The following ANP32A variants were observed in gnomAD, a reference collection of about 807,000 sequenced individuals.
The protein encoded by ANP32A is acidic leucine-rich nuclear phosphoprotein 32 family member A.
In ANP32A, 1 loss-of-function variant was observed where a neutral mutation model predicts 33.9. The ratio of observed to expected loss-of-function variants is 0.03; its 90% CI spans 0.01 to 0.14. ANP32A has a LOEUF of 0.14. Ranked by LOEUF, ANP32A falls within the 10% of genes least tolerant of loss-of-function variation. The probability of loss-of-function intolerance (pLI) is 1.00; values close to 1 mark genes in which losing one functional copy is unlikely to be tolerated. For missense variants in ANP32A, 155 were observed against 306.0 expected, an observed-to-expected ratio of 0.51 and a Z score of 3.68; for synonymous variants, 115 against 120.5, an observed-to-expected ratio of 0.95 and a Z score of 0.30.
Position 68,785,564 on chromosome 15 carries a change from T to A in ANP32A, c.328-969A>T, listed in dbSNP as rs183547273. Among the ~76,000 whole-genome samples the A allele has an allele frequency of 1.3e-3, 193 of 152,272 alleles. 1 individual carries two copies. The highest frequency in any genetic ancestry group is 4.3e-3 in the African/African-American group (178 of 41,558). On this transcript the variant is annotated intron_variant, in intron 3 of 6. Transcript: ENST00000465139. ...TCTCTATGACCTTGCAGTTGAGACC[T>A]GGGTCATTCTCAGCAGAAGCCAAGG...
Position 68,778,602 on chromosome 15 carries a change from A to T in ANP32A, c.*1479T>A, listed in dbSNP as rs1205857507. On this transcript the variant is annotated 3_prime_UTR_variant, in exon 7 of 7. Transcript: ENST00000465139. ...CCATACATTCTTTTTACAATACGAC[A>T]AACAAAACAATGAAAGATATTCAAA... The T allele has an allele frequency of 2.0e-5, 3 of 152,216 alleles. No homozygotes were observed. The highest frequency in any genetic ancestry group is 7.2e-5 in the African/African-American group (3 of 41,458). 9.4% of individuals were successfully genotyped at this position (152,216 alleles called of 1,614,324 possible).
chr15:68,787,739 T>TCC (rs1893951131), intron 2 of ANP32A, 31 bp downstream of exon 2: 1 of 968,636 alleles, frequency 1.0e-6, no homozygotes, highest in Non-Finnish European at 1.6e-6. Context: ...CACCCCCGCC[T>TCC]CCCAGCACAC....
intron 1 of ANP32A, among the ~76,000 whole-genome samples, chr15:68,797,419 A>G (rs1249695896): frequency 6.6e-6 from 1 of 152,212 alleles, no homozygotes; most frequent in Non-Finnish European, 1.5e-5. Flanking sequence ...AAAGCCACAG[A>G]GAATGAAGAC....
intron 2 of ANP32A, 42 bp downstream of exon 2, chr15:68,787,728 C>T: frequency 6.2e-7 from 1 of 1,604,774 alleles, no homozygotes; most frequent in Non-Finnish European, 8.5e-7. Flanking sequence ...TTCCCACTCC[C>T]CACCCCCGCC....
chr15:68,801,292 T>C (rs757176350), intron 1 of ANP32A, among the ~76,000 whole-genome samples: 3 of 151,362 alleles, frequency 2.0e-5, no homozygotes, highest in Non-Finnish European at 4.4e-5. Context: ...TTGCCCCATG[T>C]TTCCAGGTAG....
At chr15:68,782,113 G>A (rs1044252063) in intron 5 of ANP32A, among the ~76,000 whole-genome samples, 10 of 152,148 alleles carry the variant, frequency 6.6e-5, no homozygotes, top group Admixed American at 5.9e-4. Context: ...TCTAACTTTT[G>A]CAATTAGCAA....
chr15:68,787,339 A>C (rs1893945468), intron 3 of ANP32A, 74 bp downstream of exon 3: 1 of 1,596,020 alleles, frequency 6.3e-7, no homozygotes, highest in Admixed American at 1.7e-5. Flanking sequence ...GGACAAATGC[A>C]AAAGTAGTAT....
chr15:68,795,305 C>T (rs1025596868), intron 1 of ANP32A, among the ~76,000 whole-genome samples: 7 of 152,206 alleles, frequency 4.6e-5, no homozygotes, highest in Non-Finnish European at 8.8e-5. Context: ...AAAGCATCCA[C>T]GTCTCTGATT....
chr15:68,783,144 G>T, intron 4 of ANP32A, 91 bp from the exon 5 acceptor site: 1 of 1,525,074 alleles, frequency 6.6e-7, no homozygotes, highest in Middle Eastern at 1.7e-4. Context: ...CGTCTTCAGT[G>T]TGGGGCTCAT....
chr15:68,814,105 G>A (rs1210435739), intron 1 of ANP32A, among the ~76,000 whole-genome samples: 2 of 152,090 alleles, frequency 1.3e-5, no homozygotes, highest in East Asian at 3.9e-4. Context: ...TCCTGACCTC[G>A]TGATCCACCC....
chr15:68,800,316 G>T (rs1339055668), intron 1 of ANP32A, among the ~76,000 whole-genome samples: 1 of 152,074 alleles, frequency 6.6e-6, no homozygotes, highest in Non-Finnish European at 1.5e-5. Flanking sequence ...TATGCTAGGT[G>T]TTAAAGATAC....
At position 68,787,477 on chromosome 15, in the gene ANP32A, G is replaced by T; in HGVS notation, c.263C>A (p.Pro88Gln). Reference protein sequence around the residue: ...GGLEVLAEKCPNLTHLNLSGN... With the variant: ...GGLEVLAEKCQNLTHLNLSGN... ...ACTTAAATTTAGATGCGTGAGGTTC[G>T]GACACTTTTCTGCCAATACTTCCAG... Residue 88 changes from proline (P) to glutamine (Q), a missense_variant, in exon 3 of 7, where the codon CCG (proline) becomes CAG (glutamine). This residue lies in a region of ANP32A where 85 missense variants were observed against 183.8 expected (regional missense o/e 0.46). Transcript: ENST00000465139. 6.2e-7 allele frequency: 1 copy of T among 1,614,150 alleles called. No individual in the cohort carries two copies. Among genetic ancestry groups the T allele is most frequent in the Non-Finnish European group, 8.5e-7 (1 of 1,180,016 alleles).
chr15:68,813,692 C>T (rs1238770310), intron 1 of ANP32A, among the ~76,000 whole-genome samples: 1 of 152,140 alleles, frequency 6.6e-6, no homozygotes, highest in Non-Finnish European at 1.5e-5. Flanking sequence ...CCTCTCTAGA[C>T]ACCAGAGCTA....
intron 1 of ANP32A, among the ~76,000 whole-genome samples, chr15:68,813,868 GT>G (rs34385351): frequency 5.8e-4 from 69 of 118,332 alleles, no homozygotes; most frequent in African/African-American, 2.2e-3. Context: ...TTTCCAGGAA[GT>G]TTTTTTTTTT....
At chr15:68,796,558 A>G (rs1392551075) in intron 1 of ANP32A, among the ~76,000 whole-genome samples, 1 of 152,274 alleles carries the variant, frequency 6.6e-6, no homozygotes, top group South Asian at 2.1e-4. Flanking sequence ...TCCTACCTTC[A>G]GTGGATGCTG....
intron 4 of ANP32A, among the ~76,000 whole-genome samples, chr15:68,783,772 G>A (rs1348267716): frequency 6.6e-6 from 1 of 152,122 alleles, no homozygotes; most frequent in Admixed American, 6.5e-5. Context: ...ACACTGCCAG[G>A]GAACCCAACA....
At position 68,780,584 on chromosome 15, in the gene ANP32A, CCCA is replaced by C. The variant is rs1177544787; in HGVS notation, c.625-114_625-112del. ...GGGTCACCCCCAGCCTCTCAGAGCC[CCCA>C]CCAAGACTTGACATCTCGGGAGGAA... is the stretch of plus-strand genomic sequence containing the variant. On this transcript the variant is annotated intron_variant, in intron 5 of 6. Coordinates refer to ENST00000465139, the MANE Select transcript of ANP32A (RefSeq NM_006305.4). The surrounding 1 kb of genome is among the most constrained non-coding windows in gnomAD (Gnocchi z 4.3). 1.5e-5 allele frequency: 23 copies of C among 1,501,616 alleles called. No homozygotes were observed. The highest frequency in any genetic ancestry group is 5.1e-5 in the Admixed American group (2 of 39,400). The allele number at this position is 1,501,616 out of a possible 1,614,324, so 93.0% of individuals were successfully genotyped here.
At chr15:68,809,268 T>TA (rs1358025020) in intron 1 of ANP32A, among the ~76,000 whole-genome samples, 4 of 152,164 alleles carry the variant, frequency 2.6e-5, no homozygotes, top group African/African-American at 9.7e-5. Context: ...CCCCTACCCC[T>TA]ACTCATCACA....
At chr15:68,820,229 G>T (rs950516219) in intron 1 of ANP32A, among the ~76,000 whole-genome samples, 18 of 152,190 alleles carry the variant, frequency 1.2e-4, no homozygotes, top group African/African-American at 3.6e-4. Flanking sequence ...CGCGGGAGGG[G>T]GGCGGAAGGG....
Sources: allele counts gnomAD v4.1 joint callset (sites outside exome capture counted in the v4.1 genomes callset), GRCh38; gene constraint gnomAD v4.1.1; regional missense constraint gnomAD v4.1.1; non-coding constraint Gnocchi (gnomAD v3.1); transcripts MANE v1.5; gene names NCBI Gene and HGNC (gene_info 2026-07-23, HGNC 2026-07-21).